FBXL17: variants seen among roughly 807,000 people sequenced by gnomAD.
FBXL17 encodes F-box and leucine rich repeat protein 17.
A neutral mutation model predicts 66.2 loss-of-function variants in FBXL17; 22 were observed. The observed-to-expected ratio is 0.33, with a 90% CI of 0.24 to 0.47. The LOEUF (loss-of-function observed/expected upper bound fraction) is 0.47, where lower values mean the gene tolerates loss of function less well. Ranked by LOEUF, FBXL17 falls within the 20% of genes least tolerant of loss-of-function variation. FBXL17 has a pLI of 1.00. For missense variants in FBXL17, 878 were observed against 948.2 expected (o/e 0.93, Z 0.97); for synonymous variants, 474 against 400.5 (o/e 1.18, Z -2.19).
intron 7 of FBXL17, among the ~76,000 whole-genome samples, chr5:107,941,021 C>T (rs1453073386): frequency 1.3e-5 from 2 of 152,004 alleles, no homozygotes; most frequent in African/African-American, 4.8e-5. Context: ...TAAACATCTG[C>T]CATACAAACA....
At chr5:107,880,046 G>A in intron 8 of FBXL17, 1 of 374,732 alleles carries the variant, frequency 2.7e-6, no homozygotes, top group Non-Finnish European at 3.7e-6. Flanking sequence ...AACACCTGTG[G>A]AGTGCCTGGT....
At chr5:108,085,853 G>A (rs1193039509) in intron 6 of FBXL17, among the ~76,000 whole-genome samples, 1 of 152,140 alleles carries the variant, frequency 6.6e-6, no homozygotes, top group Non-Finnish European at 1.5e-5. Context: ...GAGACTGGGA[G>A]GCAATGGCTG....
intron 7 of FBXL17, among the ~76,000 whole-genome samples, chr5:108,018,613 A>G (rs1754472236): frequency 6.6e-6 from 1 of 152,164 alleles, no homozygotes; most frequent in Non-Finnish European, 1.5e-5. Context: ...CAACAGATGC[A>G]AAAACTTTCA....
chr5:108,256,655 C>T (rs1447833088), intron 4 of FBXL17, among the ~76,000 whole-genome samples: 2 of 151,974 alleles, frequency 1.3e-5, no homozygotes, highest in African/African-American at 2.4e-5. Context: ...TCCACCCAGA[C>T]CCAACATATA....
At chr5:107,973,864 C>T (rs79272942) in intron 7 of FBXL17, among the ~76,000 whole-genome samples, 18,135 of 151,064 alleles carry the variant, frequency 0.12, 1,354 homozygotes, top group East Asian at 0.2. Context: ...AAAAAATACA[C>T]TTAACTAATT....
intron 6 of FBXL17, among the ~76,000 whole-genome samples, chr5:108,116,531 C>G (rs1750261913): frequency 6.6e-6 from 1 of 151,482 alleles, no homozygotes; most frequent in Non-Finnish European, 1.5e-5. Context: ...GCCTGTAGTC[C>G]CAGCTACTCA....
rs57116664 is a variant in FBXL17, at chr5:107,908,180, T to C, written c.1823-27001A>G. On this transcript the variant is annotated intron_variant, in intron 7 of 8. Coordinates refer to ENST00000542267, the MANE Select transcript of FBXL17 (RefSeq NM_001163315.3). The stretch of plus-strand genomic sequence containing the variant: ...TGAAATTGGAAATCATCATTCTCAG[T>C]AAACTATCGCAAGAACAAAAAAGCA... Among the ~76,000 whole-genome samples, 321 of 152,230 alleles carry C rather than the reference T, an allele frequency of 2.1e-3. 2 individuals are homozygous for C. Among genetic ancestry groups the C allele is most frequent in the African/African-American group, 7.3e-3 (305 of 41,544 alleles).
intron 7 of FBXL17, among the ~76,000 whole-genome samples, chr5:107,999,819 C>T (rs1753645148): frequency 6.6e-6 from 1 of 152,206 alleles, no homozygotes; most frequent in South Asian, 2.1e-4. Context: ...AGTGAATACA[C>T]ATGTTCTTTG....
intron 5 of FBXL17, among the ~76,000 whole-genome samples, chr5:108,204,164 C>A (rs754901207): frequency 5.3e-5 from 8 of 152,020 alleles, no homozygotes; most frequent in Non-Finnish European, 1.2e-4. Context: ...AATAAAAATT[C>A]TCTACCATCT....
chr5:108,168,839 A>C (rs1752504818), intron 6 of FBXL17, among the ~76,000 whole-genome samples: 1 of 152,258 alleles, frequency 6.6e-6, no homozygotes, highest in Non-Finnish European at 1.5e-5. Context: ...ATTGAAATAT[A>C]GTGTACAACT....
chr5:108,194,509 T>C (rs1030837772), intron 5 of FBXL17, among the ~76,000 whole-genome samples: 3 of 152,178 alleles, frequency 2.0e-5, no homozygotes, highest in Non-Finnish European at 2.9e-5. Flanking sequence ...CAATCTTTCC[T>C]TCCTGCTACA....
At chr5:108,274,458 T>C (rs1024683933) in intron 4 of FBXL17, among the ~76,000 whole-genome samples, 1 of 152,226 alleles carries the variant, frequency 6.6e-6, no homozygotes, top group African/African-American at 2.4e-5. Context: ...TCTCTCTTGT[T>C]TCCTGAACGT....
At chr5:108,323,890 GA>G (rs1759734882) in intron 4 of FBXL17, among the ~76,000 whole-genome samples, 1 of 151,978 alleles carries the variant, frequency 6.6e-6, no homozygotes, top group South Asian at 2.1e-4. Context: ...ACATGCAAAT[GA>G]ATGAAGTTGG....
At chr5:107,972,134 GT>G (rs1186907439) in intron 7 of FBXL17, among the ~76,000 whole-genome samples, 2 of 152,178 alleles carry the variant, frequency 1.3e-5, no homozygotes, top group African/African-American at 2.4e-5. Flanking sequence ...TCATAGCCCT[GT>G]GCACAGTGCT....
At chr5:108,291,850 C>T (rs1374920203) in intron 4 of FBXL17, among the ~76,000 whole-genome samples, 4 of 152,098 alleles carry the variant, frequency 2.6e-5, no homozygotes, top group African/African-American at 7.2e-5. Context: ...CATTCTGAAC[C>T]CAATGCACAA....
intron 7 of FBXL17, among the ~76,000 whole-genome samples, chr5:107,923,310 C>T (rs532080285): frequency 2.8e-4 from 43 of 152,288 alleles, no homozygotes; most frequent in African/African-American, 1.0e-3. Context: ...TACACTCTGC[C>T]TGTCCTTTCC....
At chr5:107,903,989 T>C (rs1473490720) in intron 7 of FBXL17, among the ~76,000 whole-genome samples, 1 of 152,158 alleles carries the variant, frequency 6.6e-6, no homozygotes, top group Admixed American at 6.6e-5. Context: ...AAAATATCTA[T>C]AGTTACATAT....
chr5:107,893,985 T>G (rs1312590478), intron 7 of FBXL17, among the ~76,000 whole-genome samples: 2 of 152,152 alleles, frequency 1.3e-5, no homozygotes, highest in Admixed American at 6.6e-5. Context: ...ACATTAACAG[T>G]TGTTAATACC....
At chr5:108,043,276 G>A (rs1747121283) in intron 6 of FBXL17, among the ~76,000 whole-genome samples, 1 of 152,040 alleles carries the variant, frequency 6.6e-6, no homozygotes, top group Non-Finnish European at 1.5e-5. Context: ...TGTTTTTGGT[G>A]TCAAGTCTAG....
Sources: gnomAD v4.1 joint callset for allele counts (sites outside exome capture counted in the v4.1 genomes callset) on GRCh38, gnomAD v4.1.1 for gene constraint, MANE v1.5 for transcripts, NCBI Gene and HGNC (gene_info 2026-07-23, HGNC 2026-07-21) for gene names.